The following IQSEC1 variants were observed in gnomAD, a reference collection of about 807,000 sequenced individuals.
The protein encoded by IQSEC1 is IQ motif and SEC7 domain-containing protein 1.
IQSEC1 carries 31 observed loss-of-function variants against 91.0 expected under a neutral mutation model. The ratio of observed to expected loss-of-function variants is 0.34; its 90% CI spans 0.26 to 0.46. The LOEUF is 0.46. IQSEC1 is among the 20% of genes least tolerant of loss of function. IQSEC1 has a pLI of 1.00. For missense variants in IQSEC1, 1,388 were observed against 1,575.6 expected, an observed-to-expected ratio of 0.88 and a Z score of 2.02; for synonymous variants, 699 against 662.6, an observed-to-expected ratio of 1.05 and a Z score of -0.84.
At chr3:12,920,673 C>T in intron 5 of IQSEC1, 77 bp from the exon 6 acceptor site, 1 of 1,469,198 alleles carries the variant, frequency 6.8e-7, no homozygotes. Context: ...CTGAGGCTGT[C>T]ATGTGCCGCT....
chr3:13,058,251 C>T (rs528547731), intron 1 of IQSEC1, among the ~76,000 whole-genome samples: 12 of 152,126 alleles, frequency 7.9e-5, no homozygotes, highest in East Asian at 1.9e-4. Flanking sequence ...CCAGCCTGGG[C>T]GACAGAGGGA....
At chr3:13,021,362 A>AC (rs1703391865) in intron 1 of IQSEC1, among the ~76,000 whole-genome samples, 1 of 150,602 alleles carries the variant, frequency 6.6e-6, no homozygotes, top group Non-Finnish European at 1.5e-5. Context: ...TACCCCCACC[A>AC]CCCCCCACAG....
At chr3:13,034,589 C>T (rs1005822196) in intron 1 of IQSEC1, among the ~76,000 whole-genome samples, 6 of 152,180 alleles carry the variant, frequency 3.9e-5, no homozygotes, top group African/African-American at 7.2e-5. Context: ...GCTCTCTGGA[C>T]GGGCTCAGTG....
chr3:13,021,833 C>T (rs948011974), intron 1 of IQSEC1, among the ~76,000 whole-genome samples: 4 of 152,088 alleles, frequency 2.6e-5, no homozygotes, highest in African/African-American at 7.2e-5. Flanking sequence ...GGATCCCAGC[C>T]GAACGTGTGC....
intron 1 of IQSEC1, among the ~76,000 whole-genome samples, chr3:13,198,909 A>T (rs952146416): frequency 3.3e-5 from 5 of 152,224 alleles, no homozygotes; most frequent in Admixed American, 6.5e-5. Context: ...CCTGCTGAGG[A>T]GAAATGCCCA....
intron 3 of IQSEC1, among the ~76,000 whole-genome samples, chr3:12,934,800 A>G (rs909116660): frequency 6.6e-6 from 1 of 152,036 alleles, no homozygotes; most frequent in African/African-American, 2.4e-5. Flanking sequence ...GCACCTTTCC[A>G]GGACCCCCTT....
Position 12,992,650 on chromosome 3 carries a change from A to G in IQSEC1, c.24-50785T>C, listed in dbSNP as rs1414216540. On this transcript the variant is annotated intron_variant, in intron 1 of 13. Coordinates refer to ENST00000613206, the MANE Select transcript of IQSEC1 (RefSeq NM_001134382.3). This position sits in a 1 kb window ranked among gnomAD's most constrained non-coding sequence, Gnocchi z 4.1. ...CAGACCCCTGCTCCCAGTCTAGGAC[A>G]GGTCCCTCACCACCACAGATCACTG... is the stretch of plus-strand genomic sequence containing the variant. Among the ~76,000 whole-genome samples, 1 of 152,202 alleles carries G rather than the reference A, an allele frequency of 6.6e-6. No individual in the cohort carries two copies. Among genetic ancestry groups the G allele is most frequent in the African/African-American group, 2.4e-5 (1 of 41,438 alleles).
At chr3:13,210,440 G>A (rs1694423230) in intron 1 of IQSEC1, among the ~76,000 whole-genome samples, 1 of 152,084 alleles carries the variant, frequency 6.6e-6, no homozygotes, top group African/African-American at 2.4e-5. Context: ...CAATCTCCAA[G>A]CCCCCACTGC....
intron 1 of IQSEC1, among the ~76,000 whole-genome samples, chr3:12,950,181 C>T (rs562734074): frequency 6.6e-6 from 1 of 152,324 alleles, no homozygotes; most frequent in South Asian, 2.1e-4. Flanking sequence ...TCAAGAAGGG[C>T]CCACTGTGAT....
rs1402713434 is a variant in IQSEC1 at position 12,994,223 on chromosome 3, C to T, written c.24-52358G>A. 6.7e-6 allele frequency among the ~76,000 whole-genome samples: 1 copy of T among 148,270 alleles called. No homozygotes were observed. Among genetic ancestry groups the T allele is most frequent in the African/African-American group, 2.5e-5 (1 of 40,706 alleles). On this transcript the variant is annotated intron_variant, in intron 1 of 13. Coordinates refer to ENST00000613206, the MANE Select transcript of IQSEC1 (RefSeq NM_001134382.3). This position sits in a 1 kb window ranked among gnomAD's most constrained non-coding sequence, Gnocchi z 4.5. Reference sequence around the variant, plus strand: ...AGCCCGAGCCCGATACCAGCGCCACCGGCGGGGCGGCCTCCCCGCGCGCCG... The same window carrying T: ...AGCCCGAGCCCGATACCAGCGCCACTGGCGGGGCGGCCTCCCCGCGCGCCG...
intron 1 of IQSEC1, among the ~76,000 whole-genome samples, chr3:13,067,316 T>C (rs1705268549): frequency 6.6e-6 from 1 of 152,134 alleles, no homozygotes; most frequent in African/African-American, 2.4e-5. Flanking sequence ...CAGCAGGCTC[T>C]AAGGTAAGCC....
rs147223271 is a variant in IQSEC1, at chr3:13,159,726, G to A, written c.302+4378C>T. Reference sequence around the variant, plus strand: ...CCCCCACCCACAGTGAGAACTCATTGAATGGAACTTATTCCTATGACTGAA... The same window carrying A: ...CCCCCACCCACAGTGAGAACTCATTAAATGGAACTTATTCCTATGACTGAA... On this transcript the variant is annotated intron_variant, in intron 2 of 15. Coordinates refer to the IQSEC1 transcript ENST00000648114. 2.8e-3 allele frequency among the ~76,000 whole-genome samples: 426 copies of A among 152,322 alleles called. 1 individual carries two copies. The highest frequency in any genetic ancestry group is 6.7e-3 in the Admixed American group (102 of 15,300).
chr3:12,986,023 A>G (rs1462394783), intron 1 of IQSEC1, among the ~76,000 whole-genome samples: 1 of 152,216 alleles, frequency 6.6e-6, no homozygotes, highest in Non-Finnish European at 1.5e-5. Flanking sequence ...CTGTTGGGCC[A>G]TGTTTTGAAA....
At chr3:13,154,376 C>A (rs1273909068) in intron 2 of IQSEC1, among the ~76,000 whole-genome samples, 1 of 143,762 alleles carries the variant, frequency 7.0e-6, no homozygotes, top group African/African-American at 2.6e-5. Context: ...TGCTAATGGG[C>A]ATCTGCACCC....
At chr3:13,083,991 G>T (rs774000947) in intron 2 of IQSEC1, among the ~76,000 whole-genome samples, 3 of 152,256 alleles carry the variant, frequency 2.0e-5, no homozygotes, top group South Asian at 4.1e-4. Flanking sequence ...GAGGTGAGGG[G>T]AAGGGGTGGA....
chr3:13,124,542 C>T (rs368908229), intron 2 of IQSEC1, among the ~76,000 whole-genome samples: 6 of 152,272 alleles, frequency 3.9e-5, no homozygotes, highest in African/African-American at 1.2e-4. Flanking sequence ...GCTGTTCATC[C>T]GTGATGTGGG....
intron 1 of IQSEC1, among the ~76,000 whole-genome samples, chr3:13,165,995 G>T (rs962745087): frequency 3.9e-5 from 6 of 152,292 alleles, no homozygotes; most frequent in Non-Finnish European, 8.8e-5. Context: ...CCTAATAAAT[G>T]CTGTGGACTG....
intron 2 of IQSEC1, among the ~76,000 whole-genome samples, chr3:13,135,606 C>T (rs931288745): frequency 2.6e-5 from 4 of 152,230 alleles, no homozygotes; most frequent in Admixed American, 2.0e-4. Context: ...GGAGTCGGGA[C>T]GCAGCCCCAG....
chr3:13,023,181 C>G, intron 1 of IQSEC1, among the ~76,000 whole-genome samples: 1 of 152,196 alleles, frequency 6.6e-6, no homozygotes, highest in Admixed American at 6.5e-5. Flanking sequence ...AAGCTGGCTC[C>G]TCTCTGTAGG....
Sources: gnomAD v4.1 joint callset for allele counts (sites outside exome capture counted in the v4.1 genomes callset) on GRCh38, gnomAD v4.1.1 for gene constraint, Gnocchi (gnomAD v3.1) non-coding constraint, MANE v1.5 for transcripts, NCBI Gene and HGNC (gene_info 2026-07-23, HGNC 2026-07-21) for gene names.